Variants in FKBP9 observed in about 807,000 individuals in gnomAD.
FKBP9 encodes peptidyl-prolyl cis-trans isomerase FKBP9.
A neutral mutation model predicts 55.6 loss-of-function variants in FKBP9; 27 were observed. The ratio of observed to expected loss-of-function variants is 0.49; its 90% confidence interval spans 0.36 to 0.67. The LOEUF is 0.67. Among genes scored for constraint, FKBP9 ranks in the 30% least tolerant of loss-of-function variants. FKBP9 has a pLI of 0.00. For synonymous variants in FKBP9, 267 were observed against 296.5 expected, an observed-to-expected ratio of 0.90 and a Z score of 1.02; for missense variants, 539 against 742.8, an observed-to-expected ratio of 0.73 and a Z score of 3.19.
intron 4 of FKBP9, among the ~76,000 whole-genome samples, chr7:32,978,732 TC>T (rs931755763): frequency 5.3e-5 from 8 of 152,170 alleles, no homozygotes; most frequent in African/African-American, 1.9e-4. Flanking sequence ...GGCTCCCAGA[TC>T]CTTTTGTCAT....
intron 1 of FKBP9, among the ~76,000 whole-genome samples, chr7:32,968,846 C>T (rs1470744551): frequency 6.0e-5 from 9 of 151,070 alleles, no homozygotes; most frequent in Non-Finnish European, 1.3e-4. Flanking sequence ...TTAGTAGAGA[C>T]GGGGTTTTGC....
intron 4 of FKBP9, among the ~76,000 whole-genome samples, chr7:32,976,849 A>G (rs1562566917): frequency 6.6e-6 from 1 of 152,064 alleles, no homozygotes; most frequent in African/African-American, 2.4e-5. Flanking sequence ...ATTTCCACTT[A>G]CTTATAGTCA....
At chr7:32,990,799 TGTTA>T (rs1200258338) in intron 6 of FKBP9, among the ~76,000 whole-genome samples, 2 of 152,276 alleles carry the variant, frequency 1.3e-5, no homozygotes, top group Non-Finnish European at 2.9e-5. Flanking sequence ...ACATTTATTT[TGTTA>T]GTTCTGTTCT....
chr7:32,957,807 T>C lies in FKBP9; in HGVS notation c.221+13T>C, dbSNP rs780576788. ...AGTTCGACTCCAGGTACCGCGCCCTTGGCGCCCGGCGCGGCCTCAGCGGAT... is the reference window on the plus strand; with the variant it reads ...AGTTCGACTCCAGGTACCGCGCCCTCGGCGCCCGGCGCGGCCTCAGCGGAT... On this transcript the variant is annotated intron_variant, in intron 1 of 9. Coordinates refer to ENST00000242209, the MANE Select transcript of FKBP9 (RefSeq NM_007270.5). 3.5e-6 allele frequency: 5 copies of C among 1,428,382 alleles called. No individual in the cohort carries two copies. The highest frequency in any genetic ancestry group is 3.7e-6 in the Non-Finnish European group (4 of 1,093,732). 88.5% of individuals were successfully genotyped at this position (1,428,382 alleles called of 1,614,324 possible). A position where few individuals can be genotyped will look rare whatever the true frequency, so the allele number is the denominator to read the frequency against.
intron 5 of FKBP9, among the ~76,000 whole-genome samples, chr7:32,985,171 TTTCTTTC>T (rs1784551315): frequency 8.4e-6 from 1 of 118,574 alleles, no homozygotes; most frequent in Non-Finnish European, 1.7e-5. Context: ...TTTTTCTTTC[TTTCTTTC>T]TTTTTTTTTT....
intron 8 of FKBP9, among the ~76,000 whole-genome samples, chr7:33,001,273 G>C (rs1266145124): frequency 6.6e-6 from 1 of 152,148 alleles, no homozygotes; most frequent in South Asian, 2.1e-4. Flanking sequence ...GGCCGGGTGC[G>C]GTGGCTCATG....
intron 8 of FKBP9, chr7:33,001,921 A>C (rs1784942935): frequency 6.6e-6 from 1 of 152,234 alleles, no homozygotes; most frequent in South Asian, 2.1e-4. Flanking sequence ...ATAAACATAC[A>C]AGTTACACAT....
chr7:32,993,806 C>G (rs971273880), intron 6 of FKBP9, among the ~76,000 whole-genome samples: 1 of 61,496 alleles, frequency 1.6e-5, no homozygotes, highest in Non-Finnish European at 3.3e-5. Context: ...GAGCAAGACT[C>G]CATCTCAAAA....
At chr7:32,990,337 G>A (rs190163401) in intron 6 of FKBP9, among the ~76,000 whole-genome samples, 1 of 152,272 alleles carries the variant, frequency 6.6e-6, no homozygotes, top group Non-Finnish European at 1.5e-5. Flanking sequence ...AGGTGGCCCC[G>A]AGAGGCTGGA....
At chr7:32,976,322 T>C (rs1288393749) in intron 3 of FKBP9, 32 bp from the exon 4 acceptor site, 2 of 1,613,814 alleles carry the variant, frequency 1.2e-6, no homozygotes, top group Non-Finnish European at 1.7e-6. Context: ...CCTCATGGTG[T>C]GGAACTTTTT....
chr7:32,957,530 C>T lies in FKBP9; in HGVS notation c.-44C>T. On this transcript the variant is annotated 5_prime_UTR_variant, in exon 1 of 10. Transcript: ENST00000242209. ...CGAACGCCCAGGCCGACCCGTGCCGCCCGAGCGCCGCGCTGCGTCCGCGCC... is the reference window on the plus strand; with the variant it reads ...CGAACGCCCAGGCCGACCCGTGCCGTCCGAGCGCCGCGCTGCGTCCGCGCC... 2 of 1,347,542 alleles carry T rather than the reference C, an allele frequency of 1.5e-6. No individual in the cohort carries two copies. The highest frequency in any genetic ancestry group is 1.9e-6 in the Non-Finnish European group (2 of 1,048,782). 83.5% of individuals were successfully genotyped at this position (1,347,542 alleles called of 1,614,324 possible). A position where few individuals can be genotyped will look rare whatever the true frequency, so the allele number is the denominator to read the frequency against.
intron 1 of FKBP9, among the ~76,000 whole-genome samples, chr7:32,958,575 C>T (rs1783952548): frequency 6.6e-6 from 1 of 152,182 alleles, no homozygotes; most frequent in Admixed American, 6.5e-5. Context: ...GCGGGAGGAT[C>T]GCTTGAGCCC....
At chr7:33,004,022 G>C (rs1583875383) in intron 9 of FKBP9, among the ~76,000 whole-genome samples, 1 of 151,894 alleles carries the variant, frequency 6.6e-6, no homozygotes, top group African/African-American at 2.4e-5. Context: ...CTTTCCCGTC[G>C]CAGTCAGTGG....
chr7:32,996,646 C>CTTCCTTCCTTCCTTCA (rs1784795196), intron 7 of FKBP9, among the ~76,000 whole-genome samples: 1 of 149,100 alleles, frequency 6.7e-6, no homozygotes, highest in Non-Finnish European at 1.5e-5. Flanking sequence ...TCCTTCCTTC[C>CTTCCTTCCTTCCTTCA]TTCCTTCCTT....
chr7:32,976,049 A>G (rs1784357844), intron 3 of FKBP9, among the ~76,000 whole-genome samples: 1 of 152,168 alleles, frequency 6.6e-6, no homozygotes, highest in African/African-American at 2.4e-5. Flanking sequence ...GAAGCTATGG[A>G]GAGGCATGGG....
intron 7 of FKBP9, among the ~76,000 whole-genome samples, chr7:32,999,001 T>C (rs1484844154): frequency 2.6e-5 from 4 of 152,226 alleles, no homozygotes; most frequent in Admixed American, 2.0e-4. Flanking sequence ...CGTTCCTGGA[T>C]GACTGAGTTC....
chr7:32,957,728 G>A lies in FKBP9; in HGVS notation c.155G>A (p.Arg52His). 1 of 1,523,516 alleles carries A rather than the reference G, an allele frequency of 6.6e-7. No homozygotes were observed. The allele number at this position is 1,523,516 out of a possible 1,614,324, so 94.4% of individuals were successfully genotyped here. The stretch of plus-strand genomic sequence containing the variant: ...CCCGACGAGTGCCCGCGCACCGTGC[G>A]CAGCGGCGACTTCGTGCGCTACCAC... ...FVPDECPRTV[R>H]SGDFVRYHYV... The change falls in exon 1 of 10, where the codon CGC becomes CAC. Residue 52 changes from arginine (R) to histidine (H), a missense_variant. Physicochemically the swap from Arg to His is conservative, Grantham distance 29 (BLOSUM62 0). Coordinates refer to ENST00000242209, the MANE Select transcript of FKBP9 (RefSeq NM_007270.5).
chr7:32,975,118 G>A, intron 2 of FKBP9, 64 bp from the exon 3 acceptor site: 6 of 1,330,688 alleles, frequency 4.5e-6, no homozygotes, highest in Non-Finnish European at 6.4e-6. Flanking sequence ...AGCATCCTAG[G>A]TGTTTATTTA....
chr7:32,998,251 T>C (rs1384977748), intron 7 of FKBP9, among the ~76,000 whole-genome samples: 1 of 151,884 alleles, frequency 6.6e-6, no homozygotes, highest in East Asian at 1.9e-4. Context: ...TCCATGAGGT[T>C]AGAAGGGTCT....
Sources: gnomAD v4.1 joint callset for allele counts (sites outside exome capture counted in the v4.1 genomes callset) on GRCh38, gnomAD v4.1.1 for gene constraint, MANE v1.5 for transcripts, NCBI Gene and HGNC (gene_info 2026-07-23, HGNC 2026-07-21) for gene names.